MTHFD2L: variants seen among roughly 807,000 people sequenced by gnomAD.
The protein encoded by MTHFD2L is bifunctional methylenetetrahydrofolate dehydrogenase/cyclohydrolase 2, mitochondrial.
Under a neutral mutation model 34.9 loss-of-function variants are expected in MTHFD2L, and 29 were observed. That is an observed-to-expected ratio of 0.83 (90% CI 0.62 to 1.13). The LOEUF is 1.13. Among genes scored for constraint, MTHFD2L ranks in the 50% most tolerant of loss-of-function variants. MTHFD2L has a pLI of 0.00. For synonymous variants in MTHFD2L, 167 were observed against 155.7 expected (o/e 1.07, Z -0.54); for missense variants, 481 against 446.5 (o/e 1.08, Z -0.70).
chr4:74,142,139 G>A (rs969787045), intron 1 of MTHFD2L, among the ~76,000 whole-genome samples: 1 of 152,122 alleles, frequency 6.6e-6, no homozygotes, highest in Non-Finnish European at 1.5e-5. Flanking sequence ...GAGGTCATTG[G>A]CTAAGAATGT....
upstream of MTHFD2L, among the ~76,000 whole-genome samples, chr4:74,124,616 C>T (rs1190202107): frequency 6.6e-6 from 1 of 151,958 alleles, no homozygotes; most frequent in Non-Finnish European, 1.5e-5. Context: ...TTCGTTAAGA[C>T]ATTTCTCATG....
intron 1 of MTHFD2L, among the ~76,000 whole-genome samples, chr4:74,150,921 A>G (rs1283922160): frequency 6.6e-6 from 1 of 152,070 alleles, no homozygotes; most frequent in Non-Finnish European, 1.5e-5. Flanking sequence ...GATAATAGAT[A>G]AACTATATGG....
intron 1 of MTHFD2L, among the ~76,000 whole-genome samples, chr4:74,137,605 A>G (rs578032545): frequency 6.6e-6 from 1 of 152,160 alleles, no homozygotes; most frequent in African/African-American, 2.4e-5. Context: ...CTATTTCACT[A>G]CTGGGTATAT....
intron 6 of MTHFD2L, among the ~76,000 whole-genome samples, chr4:74,266,055 C>A (rs1010843036): frequency 6.6e-6 from 1 of 152,160 alleles, no homozygotes; most frequent in African/African-American, 2.4e-5. Context: ...AATTTGATAA[C>A]CAATGATTCA....
chr4:74,258,316 T>C (rs994598302), intron 6 of MTHFD2L, among the ~76,000 whole-genome samples: 2 of 152,114 alleles, frequency 1.3e-5, no homozygotes, highest in Non-Finnish European at 2.9e-5. Flanking sequence ...AGCCAAGATA[T>C]GGAATCAACT....
At chr4:74,267,687 G>A (rs976616020) in intron 6 of MTHFD2L, 1 of 982,984 alleles carries the variant, frequency 1.0e-6, no homozygotes, top group African/African-American at 1.8e-5. Context: ...CTCCCACCTT[G>A]GCCTCTTAAA....
upstream of MTHFD2L, among the ~76,000 whole-genome samples, chr4:74,120,148 A>C (rs1193255281): frequency 6.6e-6 from 1 of 152,234 alleles, no homozygotes; most frequent in Non-Finnish European, 1.5e-5. Flanking sequence ...CCTGCTGCTA[A>C]GGGTATATGT....
At chr4:74,211,333 C>A (rs940719978) in intron 5 of MTHFD2L, among the ~76,000 whole-genome samples, 3 of 152,056 alleles carry the variant, frequency 2.0e-5, no homozygotes, top group Non-Finnish European at 2.9e-5. Context: ...TCATAAATAG[C>A]TCTTATTATT....
At chr4:74,240,388 C>T (rs1741525677) in intron 6 of MTHFD2L, among the ~76,000 whole-genome samples, 2 of 152,004 alleles carry the variant, frequency 1.3e-5, no homozygotes, top group Admixed American at 6.6e-5. Context: ...ACAGAGATAA[C>T]ATACAAAGGT....
At chr4:74,128,432 T>C (rs936854643) in intron 1 of MTHFD2L, among the ~76,000 whole-genome samples, 2 of 152,104 alleles carry the variant, frequency 1.3e-5, no homozygotes, top group Admixed American at 6.6e-5. Context: ...ACTCTATGCA[T>C]ATGGTTATCC....
At chr4:74,250,386 A>G (rs901858936) in intron 6 of MTHFD2L, among the ~76,000 whole-genome samples, 15 of 151,974 alleles carry the variant, frequency 9.9e-5, no homozygotes, top group Non-Finnish European at 2.2e-4. Context: ...AACACTTATC[A>G]TTACCCAACA....
intron 6 of MTHFD2L, among the ~76,000 whole-genome samples, chr4:74,231,925 CT>C (rs1416967971): frequency 1.3e-5 from 2 of 151,968 alleles, no homozygotes. Flanking sequence ...AAAAAAAAAC[CT>C]TTTGCATAGT....
intron 5 of MTHFD2L, among the ~76,000 whole-genome samples, chr4:74,212,309 C>T (rs1044945037): frequency 1.3e-5 from 2 of 151,974 alleles, no homozygotes; most frequent in African/African-American, 4.8e-5. Flanking sequence ...TAGATCTGTC[C>T]CACTTTCTCC....
At chr4:74,182,236 A>C (rs760868192) in intron 3 of MTHFD2L, among the ~76,000 whole-genome samples, 4 of 152,174 alleles carry the variant, frequency 2.6e-5, no homozygotes, top group Non-Finnish European at 4.4e-5. Flanking sequence ...TGTATCTGTT[A>C]GACAATTAGT....
chr4:74,121,352 C>T (rs938400131), upstream of MTHFD2L, among the ~76,000 whole-genome samples: 3 of 151,918 alleles, frequency 2.0e-5, no homozygotes, highest in Admixed American at 6.6e-5. Flanking sequence ...GGTGGAATAT[C>T]CTGAGATTGC....
At chr4:74,274,748 TC>T (rs1746401295) in intron 6 of MTHFD2L, among the ~76,000 whole-genome samples, 1 of 152,168 alleles carries the variant, frequency 6.6e-6, no homozygotes, top group African/African-American at 2.4e-5. Context: ...TCTTCCCCAA[TC>T]CATGTTCAGT....
intron 6 of MTHFD2L, among the ~76,000 whole-genome samples, chr4:74,259,319 C>T (rs1484407955): frequency 6.6e-6 from 1 of 152,170 alleles, no homozygotes; most frequent in Non-Finnish European, 1.5e-5. Context: ...TTACATGTTG[C>T]AAGTCAATCA....
At chr4:74,271,851 A>G (rs1746035357) in intron 6 of MTHFD2L, among the ~76,000 whole-genome samples, 1 of 151,828 alleles carries the variant, frequency 6.6e-6, no homozygotes, top group Non-Finnish European at 1.5e-5. Flanking sequence ...TTCATTGAGC[A>G]GTGGTTTGTA....
chr4:74,198,291 G>A (rs774776984), intron 3 of MTHFD2L, among the ~76,000 whole-genome samples: 50 of 152,104 alleles, frequency 3.3e-4, no homozygotes, highest in Non-Finnish European at 3.4e-4. Flanking sequence ...GAATGGGAGC[G>A]CAAAAAATGG....
Sources: allele counts gnomAD v4.1 joint callset (sites outside exome capture counted in the v4.1 genomes callset), GRCh38; gene constraint gnomAD v4.1.1; transcripts MANE v1.5; gene names NCBI Gene and HGNC (gene_info 2026-07-23, HGNC 2026-07-21).